The following RAB10 variants were observed in gnomAD, a reference collection of about 807,000 sequenced individuals.
The protein encoded by RAB10 is ras-related protein Rab-10.
Under a neutral mutation model 25.7 loss-of-function variants are expected in RAB10, and 5 were observed. That is an observed-to-expected ratio of 0.19 (90% CI 0.10 to 0.41). The LOEUF (loss-of-function observed/expected upper bound fraction) is 0.41. Among genes scored for constraint, RAB10 ranks in the 10% least tolerant of loss-of-function variants. The pLI is 1.00. For synonymous variants in RAB10, 89 were observed against 86.4 expected, an observed-to-expected ratio of 1.03 and a Z score of -0.16; for missense variants, 103 against 245.8, an observed-to-expected ratio of 0.42 and a Z score of 3.89.
At chr2:26,132,293 G>A (rs1336155968) in intron 5 of RAB10, among the ~76,000 whole-genome samples, 1 of 152,152 alleles carries the variant, frequency 6.6e-6, no homozygotes, top group East Asian at 1.9e-4. Flanking sequence ...TGCCCTTGTT[G>A]CCCAGGTTGG....
At chr2:26,068,328 G>A (rs917215210) in intron 1 of RAB10, among the ~76,000 whole-genome samples, 5 of 152,128 alleles carry the variant, frequency 3.3e-5, no homozygotes, top group Admixed American at 6.5e-5. Context: ...CTAAGGATTC[G>A]AATTCCATGG....
At chr2:26,061,079 C>A in intron 1 of RAB10, among the ~76,000 whole-genome samples, 1 of 137,266 alleles carries the variant, frequency 7.3e-6, no homozygotes, top group African/African-American at 2.7e-5. Context: ...TTTTTTTTTC[C>A]ATTTATCTCT....
At chr2:26,057,751 T>C (rs1666299445) in intron 1 of RAB10, among the ~76,000 whole-genome samples, 1 of 152,078 alleles carries the variant, frequency 6.6e-6, no homozygotes, top group Admixed American at 6.6e-5. Flanking sequence ...GCGTCCCCAG[T>C]AGCTGGGATT....
At chr2:26,063,485 A>G (rs1416095438) in intron 1 of RAB10, among the ~76,000 whole-genome samples, 7 of 152,002 alleles carry the variant, frequency 4.6e-5, no homozygotes, top group Admixed American at 4.6e-4. Context: ...AGATGTTTTG[A>G]CACTTCATCT....
At chr2:26,125,072 G>C (rs1413669510) in intron 3 of RAB10, among the ~76,000 whole-genome samples, 2 of 152,082 alleles carry the variant, frequency 1.3e-5, no homozygotes, top group Non-Finnish European at 2.9e-5. Flanking sequence ...GTGAACACTG[G>C]TGTACAAATA....
At position 26,034,508 on chromosome 2, in the gene RAB10, C is replaced by A. The variant is rs373761839; in HGVS notation, c.-101C>A. On this transcript the variant is annotated 5_prime_UTR_variant, in exon 1 of 6. Transcript: ENST00000264710. Reference sequence around the variant, plus strand: ...CTCGAGCCTTTTTCCCACGCTTCCCCGGTCCTCCGGCCTGAGAACGCCCGA... The same window carrying A: ...CTCGAGCCTTTTTCCCACGCTTCCCAGGTCCTCCGGCCTGAGAACGCCCGA... 3 of 1,505,622 alleles carry A rather than the reference C, an allele frequency of 2.0e-6. No homozygotes were observed. The highest frequency in any genetic ancestry group is 1.4e-5 in the African/African-American group (1 of 72,164). The allele number at this position is 1,505,622 out of a possible 1,614,324, so 93.3% of individuals were successfully genotyped here.
At chr2:26,062,920 G>T (rs1195449437) in intron 1 of RAB10, among the ~76,000 whole-genome samples, 5 of 151,900 alleles carry the variant, frequency 3.3e-5, no homozygotes, top group Non-Finnish European at 7.4e-5. Flanking sequence ...TTCGAGACCA[G>T]CCTGGCCAAC....
In RAB10 at chr2:26,123,029, G is replaced by A. The variant is rs1043784103; in HGVS notation, c.328-4115G>A. ...ATTGGGTTTATGATCAGGACTGACT[G>A]CCCTTACGTATAAAGTTGCTAACCC... On this transcript the variant is annotated intron_variant, in intron 3 of 5. Transcript: ENST00000264710. 3.3e-5 allele frequency among the ~76,000 whole-genome samples: 5 copies of A among 152,130 alleles called. No homozygotes were observed. The South Asian group carries it at 6.2e-4, about 19-fold the overall frequency.
chr2:26,040,933 G>A (rs1450223019), intron 1 of RAB10, among the ~76,000 whole-genome samples: 1 of 152,094 alleles, frequency 6.6e-6, no homozygotes, highest in Non-Finnish European at 1.5e-5. Context: ...AGATTTATTG[G>A]AGACTGCTGC....
chr2:26,086,017 A>AAGG (rs1491569532), intron 1 of RAB10, among the ~76,000 whole-genome samples: 51 of 71,462 alleles, frequency 7.1e-4, no homozygotes, highest in Non-Finnish European at 1.1e-3. Context: ...AAAAAAAAAA[A>AAGG]GGGGGGGGGC....
intron 1 of RAB10, among the ~76,000 whole-genome samples, chr2:26,038,987 G>A (rs936238601): frequency 1.4e-5 from 2 of 146,564 alleles, no homozygotes; most frequent in African/African-American, 5.0e-5. Flanking sequence ...GAAATAATGT[G>A]AGCCACATAT....
chr2:26,069,659 C>T (rs1666582665), intron 1 of RAB10, among the ~76,000 whole-genome samples: 1 of 151,634 alleles, frequency 6.6e-6, no homozygotes, highest in Admixed American at 6.6e-5. Flanking sequence ...GAGCGAGACT[C>T]TGCCCCCCTA....
chr2:26,088,474 A>C (rs1409912643), intron 1 of RAB10, among the ~76,000 whole-genome samples: 2 of 152,292 alleles, frequency 1.3e-5, no homozygotes, highest in African/African-American at 4.8e-5. Flanking sequence ...ATGTTGCAGG[A>C]GAGTCTGATT....
chr2:26,098,404 G>T (rs1292654718), intron 1 of RAB10: 2 of 387,152 alleles, frequency 5.2e-6, no homozygotes, highest in African/African-American at 4.3e-5. Flanking sequence ...TCTCAAAAGT[G>T]CTGGGATTAG....
intron 1 of RAB10, among the ~76,000 whole-genome samples, chr2:26,046,395 T>C (rs1666004065): frequency 6.6e-6 from 1 of 151,976 alleles, no homozygotes; most frequent in Non-Finnish European, 1.5e-5. Context: ...GAAAACTCAG[T>C]CTTAAGGGAA....
At chr2:26,036,791 CTTTA>C (rs1044175476) in intron 1 of RAB10, among the ~76,000 whole-genome samples, 15 of 151,930 alleles carry the variant, frequency 9.9e-5, no homozygotes, top group South Asian at 8.3e-4. Flanking sequence ...ATGTGGTCAA[CTTTA>C]TTTATTTATT....
At chr2:26,122,758 T>C (rs1243304065) in intron 3 of RAB10, among the ~76,000 whole-genome samples, 1 of 152,152 alleles carries the variant, frequency 6.6e-6, no homozygotes, top group Non-Finnish European at 1.5e-5. Context: ...AATGGTTTGA[T>C]AATTTTAGAA....
At chr2:26,106,315 C>T (rs919980598) in intron 2 of RAB10, among the ~76,000 whole-genome samples, 1 of 152,134 alleles carries the variant, frequency 6.6e-6, no homozygotes, top group Non-Finnish European at 1.5e-5. Context: ...TGGGAAGAAT[C>T]AATCTATCTG....
intron 2 of RAB10, chr2:26,102,177 C>G (rs1395539208): frequency 2.0e-5 from 3 of 152,230 alleles, no homozygotes; most frequent in Non-Finnish European, 4.4e-5. Context: ...TTTTCTTGCT[C>G]TGCTTTCTGT....
Sources: allele counts gnomAD v4.1 joint callset (sites outside exome capture counted in the v4.1 genomes callset), GRCh38; gene constraint gnomAD v4.1.1; transcripts MANE v1.5; gene names NCBI Gene and HGNC (gene_info 2026-07-23, HGNC 2026-07-21).